The following ME3 variants were observed in gnomAD, a reference collection of about 807,000 sequenced individuals.
The protein encoded by ME3 is malic enzyme 3.
In ME3, 48 loss-of-function variants were observed where a neutral mutation model predicts 68.9. That is an observed-to-expected ratio of 0.70 (90% CI 0.55 to 0.89). The LOEUF (loss-of-function observed/expected upper bound fraction) is 0.89, where lower values mean the gene tolerates loss of function less well. ME3 is among the 40% of genes least tolerant of loss of function. The probability of loss-of-function intolerance (pLI) is 0.00; values close to 1 mark genes in which losing one functional copy is unlikely to be tolerated. For missense variants in ME3, 675 were observed against 797.4 expected, an observed-to-expected ratio of 0.85 and a Z score of 1.85; for synonymous variants, 320 against 318.8, an observed-to-expected ratio of 1.00 and a Z score of -0.04.
intron 2 of ME3, among the ~76,000 whole-genome samples, chr11:86,653,352 A>T (rs1460260611): frequency 2.0e-5 from 3 of 152,138 alleles, no homozygotes; most frequent in Non-Finnish European, 4.4e-5. Flanking sequence ...GAAGTAAAGC[A>T]CTCCTCAGCA....
At chr11:86,502,609 G>A (rs888607071) in intron 5 of ME3, among the ~76,000 whole-genome samples, 7 of 152,224 alleles carry the variant, frequency 4.6e-5, no homozygotes, top group African/African-American at 1.7e-4. Context: ...TACGCTGGGA[G>A]CCACTAGTTC....
At chr11:86,650,800 G>A (rs1376994256) in intron 2 of ME3, among the ~76,000 whole-genome samples, 5 of 152,164 alleles carry the variant, frequency 3.3e-5, no homozygotes, top group Admixed American at 6.5e-5. Flanking sequence ...GTGATGCATC[G>A]CCTCACCCAG....
At chr11:86,575,314 G>A (rs1323347914) in intron 2 of ME3, among the ~76,000 whole-genome samples, 2 of 146,480 alleles carry the variant, frequency 1.4e-5, no homozygotes, top group African/African-American at 5.3e-5. Context: ...AGATGTAGAG[G>A]GTCCACTTTA....
Position 86,526,261 on chromosome 11 carries a change from T to C in ME3, c.468-17394A>G, listed in dbSNP as rs186912712. On this transcript the variant is annotated intron_variant, in intron 4 of 14. Coordinates refer to ENST00000543262, the Ensembl canonical transcript of ME3. ...CGGAGGGTCCTATGCCCATGGAGCCTTGCTCATTGCTAGTACAGCAGTCTG... is the reference window on the plus strand; with the variant it reads ...CGGAGGGTCCTATGCCCATGGAGCCCTGCTCATTGCTAGTACAGCAGTCTG... Among the ~76,000 whole-genome samples the C allele has an allele frequency of 9.1e-4, 139 of 152,318 alleles. 1 individual carries two copies. Among genetic ancestry groups the C allele is most frequent in the African/African-American group, 3.2e-3 (131 of 41,582 alleles).
At chr11:86,556,674 G>A (rs777588552) in exon 4 of ME3, 10 of 1,614,074 alleles carry the variant, frequency 6.2e-6, no homozygotes, top group East Asian at 2.2e-5. Context: ...TTCTCGTTCC[G>A]GTCTTGGAGT....
intron 6 of ME3, among the ~76,000 whole-genome samples, chr11:86,495,568 T>A (rs1952273362): frequency 6.6e-6 from 1 of 152,196 alleles, no homozygotes; most frequent in Non-Finnish European, 1.5e-5. Flanking sequence ...AAAGGAAGAA[T>A]AAAACAAAGT....
chr11:86,546,878 G>A (rs1254719708), intron 4 of ME3, among the ~76,000 whole-genome samples: 1 of 151,804 alleles, frequency 6.6e-6, no homozygotes, highest in Admixed American at 6.6e-5. Context: ...TATGTTTACT[G>A]CAGCACTATT....
intron 5 of ME3, among the ~76,000 whole-genome samples, chr11:86,503,538 A>G (rs1266804004): frequency 1.6e-4 from 24 of 152,134 alleles, no homozygotes; most frequent in African/African-American, 2.4e-5. Flanking sequence ...CGGCAGCCCA[A>G]CCTCTCCTTC....
Position 86,529,088 on chromosome 11 carries a change from A to G in ME3, c.468-20221T>C, listed in dbSNP as rs559878503. The stretch of plus-strand genomic sequence containing the variant: ...CAAGAGTAGTTTTTTGGAAAAGATC[A>G]ACAAAATTGATAGACTGCTAGCGAG... On this transcript the variant is annotated intron_variant, in intron 4 of 14. Transcript: ENST00000543262. 2.6e-5 allele frequency among the ~76,000 whole-genome samples: 4 copies of G among 152,368 alleles called. No individual in the cohort carries two copies. In the South Asian group the frequency reaches 8.3e-4, roughly 32 times the overall value.
chr11:86,457,751 AG>A, intron 8 of ME3: 2 of 1,285,062 alleles, frequency 1.6e-6, no homozygotes, highest in Non-Finnish European at 2.0e-6. Context: ...AAAGTGTGGC[AG>A]GTTGTTCCTA....
chr11:86,647,445 A>C (rs1488623294), intron 2 of ME3, among the ~76,000 whole-genome samples: 3 of 151,810 alleles, frequency 2.0e-5, no homozygotes, highest in Admixed American at 1.3e-4. Context: ...ACATCATGCC[A>C]CTGCACTCCA....
intron 2 of ME3, among the ~76,000 whole-genome samples, chr11:86,661,586 A>G (rs1048418456): frequency 6.6e-5 from 10 of 152,214 alleles, no homozygotes; most frequent in Admixed American, 6.5e-4. Flanking sequence ...AGACAATGCC[A>G]TTCTGTCTCA....
At chr11:86,587,098 G>C (rs1958782712) in intron 2 of ME3, among the ~76,000 whole-genome samples, 1 of 152,216 alleles carries the variant, frequency 6.6e-6, no homozygotes. Flanking sequence ...GTAAGGTTTT[G>C]TAAAGGAGGT....
chr11:86,505,909 G>T (rs1953040733), intron 5 of ME3, among the ~76,000 whole-genome samples: 1 of 152,212 alleles, frequency 6.6e-6, no homozygotes, highest in Non-Finnish European at 1.5e-5. Flanking sequence ...GTACCACAGG[G>T]TGGGTGGGCA....
At chr11:86,492,856 G>GA (rs886395660) in intron 6 of ME3, among the ~76,000 whole-genome samples, 1 of 152,204 alleles carries the variant, frequency 6.6e-6, no homozygotes, top group South Asian at 2.1e-4. Flanking sequence ...CCTCCTGGTT[G>GA]AAAAAATATT....
chr11:86,565,428 C>T (rs1364781877), intron 2 of ME3, among the ~76,000 whole-genome samples: 2 of 152,176 alleles, frequency 1.3e-5, no homozygotes, highest in Non-Finnish European at 2.9e-5. Context: ...GATTATATGT[C>T]AGTGTTCATT....
At chr11:86,472,916 T>C (rs554070418) in intron 7 of ME3, among the ~76,000 whole-genome samples, 3 of 152,296 alleles carry the variant, frequency 2.0e-5, no homozygotes, top group Non-Finnish European at 4.4e-5. Context: ...ACTTACTTGA[T>C]AAGGCGGAGT....
At chr11:86,549,811 C>G (rs1956574804) in intron 4 of ME3, among the ~76,000 whole-genome samples, 1 of 152,256 alleles carries the variant, frequency 6.6e-6, no homozygotes, top group African/African-American at 2.4e-5. Flanking sequence ...GAACTCCCCT[C>G]CCAACCCTGT....
intron 2 of ME3, among the ~76,000 whole-genome samples, chr11:86,592,824 G>A (rs2139674512): frequency 6.6e-6 from 1 of 152,234 alleles, no homozygotes; most frequent in East Asian, 1.9e-4. Flanking sequence ...GCAAGATTTG[G>A]GGAATATACC....
Sources: gnomAD v4.1 joint callset for allele counts (sites outside exome capture counted in the v4.1 genomes callset) on GRCh38, gnomAD v4.1.1 for gene constraint, MANE v1.5 for transcripts, NCBI Gene and HGNC (gene_info 2026-07-23, HGNC 2026-07-21) for gene names.